The following SEMA3C variants were observed in gnomAD, a reference collection of about 807,000 sequenced individuals.
SEMA3C encodes the protein semaphorin 3C, also known as semaphorin-3C.
Under a neutral mutation model 89.4 loss-of-function variants are expected in SEMA3C, and 47 were observed. That is an observed-to-expected ratio of 0.53 (90% CI 0.42 to 0.67). The LOEUF (loss-of-function observed/expected upper bound fraction) is 0.67, where lower values mean the gene tolerates loss of function less well. Among genes scored for constraint, SEMA3C ranks in the 30% least tolerant of loss-of-function variants. The probability of loss-of-function intolerance (pLI) is 0.00; values close to 1 mark genes in which losing one functional copy is unlikely to be tolerated. For missense variants in SEMA3C, 839 were observed against 929.1 expected (o/e 0.90, Z 1.26); for synonymous variants, 310 against 320.2 (o/e 0.97, Z 0.34).
At chr7:80,873,356 T>A (rs1451921015) in intron 2 of SEMA3C, among the ~76,000 whole-genome samples, 1 of 152,200 alleles carries the variant, frequency 6.6e-6, no homozygotes, top group East Asian at 1.9e-4. Context: ...TGTTTCGAGT[T>A]TGTTTGCACA....
At position 80,836,055 on chromosome 7, in the gene SEMA3C, A is replaced by G. The variant is rs533724617; in HGVS notation, c.104-7310T>C. 6.0e-4 allele frequency among the ~76,000 whole-genome samples: 91 copies of G among 152,072 alleles called. 1 individual carries two copies. Among genetic ancestry groups the G allele is most frequent in the African/African-American group, 2.1e-3 (85 of 41,350 alleles). ...TCTTGCTCTGGACATGGGTCTGCAT[A>G]GTATCAAATGTAGTATAAGAAATGC... On this transcript the variant is annotated intron_variant, in intron 2 of 17. Transcript: ENST00000265361.
chr7:80,910,980 C>A (rs1792134050), intron 2 of SEMA3C, among the ~76,000 whole-genome samples: 1 of 151,972 alleles, frequency 6.6e-6, no homozygotes, highest in African/African-American at 2.4e-5. Context: ...CATCTAAGCA[C>A]TGACTTGCTC....
At chr7:80,822,135 A>G (rs1789763549) in intron 4 of SEMA3C, among the ~76,000 whole-genome samples, 1 of 152,190 alleles carries the variant, frequency 6.6e-6, no homozygotes, top group South Asian at 2.1e-4. Context: ...ATATGGTACT[A>G]GCAACAGTGG....
chr7:80,771,304 C>T (rs985432891), intron 12 of SEMA3C, among the ~76,000 whole-genome samples: 42 of 152,196 alleles, frequency 2.8e-4, no homozygotes, highest in African/African-American at 9.9e-4. Context: ...ACTCTAAATA[C>T]ATTAAAGCAC....
chr7:80,865,396 T>C (rs1450690380), intron 2 of SEMA3C, among the ~76,000 whole-genome samples: 1 of 152,204 alleles, frequency 6.6e-6, no homozygotes, highest in Non-Finnish European at 1.5e-5. Context: ...CTACTTACTA[T>C]TCTACTAATA....
intron 15 of SEMA3C, among the ~76,000 whole-genome samples, chr7:80,752,614 C>CA (rs10660428): frequency 0.42 from 46,918 of 111,036 alleles, 9,420 homozygotes; most frequent in Non-Finnish European, 0.47. Context: ...GACTCCATCT[C>CA]AAAAAAAAAA....
At position 80,793,874 on chromosome 7, in the gene SEMA3C, G is replaced by A. The variant is rs183304300; in HGVS notation, c.1131+4218C>T. The stretch of plus-strand genomic sequence containing the variant: ...CGAGGGGATCTTAACCTAACACGTG[G>A]GGGATGAGTGGTATATAGATAAATA... On this transcript the variant is annotated intron_variant, in intron 11 of 17. Transcript: ENST00000265361. Among the ~76,000 whole-genome samples, 60 of 120,592 alleles carry A rather than the reference G, an allele frequency of 5.0e-4. 1 individual carries two copies. The highest frequency in any genetic ancestry group is 8.7e-4 in the Non-Finnish European group (43 of 49,582). The allele number at this position is 120,592 out of a possible 152,430, so 79.1% of individuals were successfully genotyped here.
At chr7:80,772,369 T>C (rs1788452303) in intron 12 of SEMA3C, among the ~76,000 whole-genome samples, 1 of 152,234 alleles carries the variant, frequency 6.6e-6, no homozygotes, top group South Asian at 2.1e-4. Flanking sequence ...TAGCATTCTG[T>C]GCATGTGTAT....
chr7:80,905,242 GAGGGAGAGAT>G (rs1791979761), intron 2 of SEMA3C, among the ~76,000 whole-genome samples: 6 of 103,660 alleles, frequency 5.8e-5, no homozygotes, highest in African/African-American at 8.3e-5. Flanking sequence ...GAGGGAGAGA[GAGGGAGAGAT>G]AGGGAGAGAG....
rs373295110 is a variant in SEMA3C, at chr7:80,916,932, C to G, written c.-38-113G>C. On this transcript the variant is annotated intron_variant, in intron 1 of 17. Transcript: ENST00000265361. The stretch of plus-strand genomic sequence containing the variant: ...CACAAAAGAACCATCTGAACTTTTA[C>G]AGTAATGCAAACAGTAGGAGGTGCT... 6.9e-5 allele frequency: 55 copies of G among 792,910 alleles called. No homozygotes were observed. In the African/African-American group the frequency reaches 9.1e-4, roughly 13 times the overall value. 49.1% of individuals were successfully genotyped at this position (792,910 alleles called of 1,614,324 possible). A position where few individuals can be genotyped will look rare whatever the true frequency, so the allele number is the denominator to read the frequency against.
At chr7:80,917,206 T>TC (rs1238171648) in intron 1 of SEMA3C, among the ~76,000 whole-genome samples, 1 of 152,176 alleles carries the variant, frequency 6.6e-6, no homozygotes, top group Admixed American at 6.6e-5. Flanking sequence ...GAGAACTCTT[T>TC]CCCCCCACTA....
At chr7:80,804,405 C>T (rs1447667928) in intron 7 of SEMA3C, among the ~76,000 whole-genome samples, 157 bp from the exon 8 acceptor site, 1 of 152,116 alleles carries the variant, frequency 6.6e-6, no homozygotes, top group African/African-American at 2.4e-5. Context: ...TGCATTCACA[C>T]ACCATGCCAC....
chr7:80,828,188 T>C (rs185472932), intron 3 of SEMA3C, among the ~76,000 whole-genome samples: 3 of 152,328 alleles, frequency 2.0e-5, no homozygotes, highest in Admixed American at 6.5e-5. Flanking sequence ...ATGATAAATA[T>C]AGGCCATACT....
Position 80,802,788 on chromosome 7 carries a change from A to G in SEMA3C, c.802-9T>C. 1 of 1,594,956 alleles carries G rather than the reference A, an allele frequency of 6.3e-7. No homozygotes were observed. Among genetic ancestry groups the G allele is most frequent in the Non-Finnish European group, 8.6e-7 (1 of 1,163,402 alleles). On this transcript the variant is annotated splice_polypyrimidine_tract_variant and intron_variant, in intron 8 of 17. Transcript: ENST00000265361. ...AGTCCACCAGTGTCATTCTAAAACC[A>G]TTTTGTAAACATAATTCAGATTGCT...
At chr7:80,775,456 T>C (rs1414289042) in intron 12 of SEMA3C, among the ~76,000 whole-genome samples, 1 of 152,166 alleles carries the variant, frequency 6.6e-6, no homozygotes, top group African/African-American at 2.4e-5. Flanking sequence ...CTATATGTGA[T>C]ATCTTACAGA....
intron 2 of SEMA3C, among the ~76,000 whole-genome samples, chr7:80,908,059 A>G (rs145944401): frequency 6.6e-6 from 1 of 152,220 alleles, no homozygotes; most frequent in East Asian, 1.9e-4. Context: ...CCACTTTGCT[A>G]CTACTCACTA....
At chr7:80,916,397 C>G (rs188085913) in intron 2 of SEMA3C, among the ~76,000 whole-genome samples, 6 of 152,246 alleles carry the variant, frequency 3.9e-5, no homozygotes, top group African/African-American at 1.2e-4. Context: ...GCTTTGAGCT[C>G]GTGCCCATCT....
At chr7:80,805,520 T>C (rs1789317733) in intron 7 of SEMA3C, 119 bp downstream of exon 7, 3 of 743,710 alleles carry the variant, frequency 4.0e-6, no homozygotes, top group Non-Finnish European at 6.2e-6. Flanking sequence ...AGAATTACCA[T>C]TATTCATGTA....
chr7:80,905,876 G>A (rs1246452891), intron 2 of SEMA3C: 2 of 1,289,570 alleles, frequency 1.6e-6, no homozygotes, highest in Non-Finnish European at 2.0e-6. Context: ...ACTTCTTTTT[G>A]TACCCACAGA....
Sources: allele counts gnomAD v4.1 joint callset (sites outside exome capture counted in the v4.1 genomes callset), GRCh38; gene constraint gnomAD v4.1.1; transcripts MANE v1.5; gene names NCBI Gene and HGNC (gene_info 2026-07-23, HGNC 2026-07-21).